The following CAST variants were observed in gnomAD, a reference collection of about 807,000 sequenced individuals.
CAST encodes the protein MIR583 host.
A neutral mutation model predicts 119.6 loss-of-function variants in CAST; 76 were observed. That is an observed-to-expected ratio of 0.64 (90% CI 0.53 to 0.77). The LOEUF (loss-of-function observed/expected upper bound fraction) is 0.77, where lower values mean the gene tolerates loss of function less well. Ranked by LOEUF, CAST falls within the 30% of genes least tolerant of loss-of-function variation. The pLI is 0.00. For missense variants in CAST, 953 were observed against 946.5 expected (o/e 1.01, Z -0.09); for synonymous variants, 319 against 331.6 (o/e 0.96, Z 0.41).
At chr5:96,444,336 T>C in the CAST span, among the ~76,000 whole-genome samples, 1 of 152,244 alleles carries the variant, frequency 6.6e-6, no homozygotes, top group Non-Finnish European at 1.5e-5. Context: ...GTTTGAGAAC[T>C]TGCTACCTGC....
At chr5:96,721,090 A>G (rs1240522984) in intron 3 of CAST, among the ~76,000 whole-genome samples, 1 of 152,178 alleles carries the variant, frequency 6.6e-6, no homozygotes, top group Non-Finnish European at 1.5e-5. Context: ...TTAATTTGAT[A>G]GAGGGAAAAT....
At chr5:96,488,749 C>T in the CAST span, among the ~76,000 whole-genome samples, 1 of 152,184 alleles carries the variant, frequency 6.6e-6, no homozygotes, top group African/African-American at 2.4e-5. Flanking sequence ...GTAACAGAAT[C>T]TTCTACAACC....
the CAST span, among the ~76,000 whole-genome samples, chr5:96,035,075 A>ATATATATTTAAG: frequency 1.4e-4 from 20 of 143,136 alleles, no homozygotes; most frequent in African/African-American, 4.9e-4. Context: ...TTAAGTATAT[A>ATATATATTTAAG]TATATATATA....
chr5:96,570,884 C>T (rs192614510), intron 1 of CAST, among the ~76,000 whole-genome samples: 73 of 152,292 alleles, frequency 4.8e-4, no homozygotes, highest in African/African-American at 1.7e-3. Flanking sequence ...AATGCTGTCA[C>T]AGACCAAGCA....
the CAST span, among the ~76,000 whole-genome samples, chr5:96,076,731 A>G: frequency 2.0e-5 from 3 of 152,154 alleles, no homozygotes; most frequent in Non-Finnish European, 2.9e-5. Flanking sequence ...AGTAATAACC[A>G]TCAAGCTCAA....
the CAST span, among the ~76,000 whole-genome samples, chr5:95,968,298 A>G: frequency 6.6e-6 from 1 of 152,206 alleles, no homozygotes; most frequent in East Asian, 1.9e-4. Flanking sequence ...TATAGCTAGC[A>G]TATTGACTTT....
At chr5:96,322,490 TC>T in the CAST span, among the ~76,000 whole-genome samples, 9 of 152,184 alleles carry the variant, frequency 5.9e-5, no homozygotes, top group South Asian at 1.7e-3. Flanking sequence ...ACTCTTGTTT[TC>T]CCCTTTGAAA....
chr5:96,410,636 T>A, the CAST span: 1 of 751,154 alleles, frequency 1.3e-6, no homozygotes, highest in African/African-American at 1.7e-5. Flanking sequence ...GCCTTTCAAG[T>A]GAGTAAGTGT....
chr5:96,184,365 A>T, the CAST span, among the ~76,000 whole-genome samples: 1 of 152,114 alleles, frequency 6.6e-6, no homozygotes, highest in Non-Finnish European at 1.5e-5. Flanking sequence ...TTCAACTTTG[A>T]TTTTAAGTTC....
the CAST span, among the ~76,000 whole-genome samples, chr5:96,217,885 T>C: frequency 9.7e-4 from 148 of 152,322 alleles, no homozygotes; most frequent in Non-Finnish European, 1.4e-3. Context: ...TAGACATTGG[T>C]TACGAGGGTC....
At chr5:96,583,556 AC>A (rs1746802264) in intron 1 of CAST, among the ~76,000 whole-genome samples, 1 of 152,164 alleles carries the variant, frequency 6.6e-6, no homozygotes, top group Non-Finnish European at 1.5e-5. Flanking sequence ...TAATATTGAC[AC>A]TATCAGGCTC....
chr5:96,729,635 A>G lies in CAST; in HGVS notation c.459A>G (p.Ala153=), dbSNP rs1760038469. ...HTEPKSLPKQ[A]SDTGSNDAHN... is the part of the protein sequence containing the mutation. Reference sequence around the variant, plus strand: ...AGCCAAAAAGCCTACCCAAGCAGGCATCAGATACAGGAAGTAACGATGCTC... The same window carrying G: ...AGCCAAAAAGCCTACCCAAGCAGGCGTCAGATACAGGAAGTAACGATGCTC... Residue 153 remains alanine, a synonymous_variant, in exon 8 of 32, where the codon GCA becomes GCG. Coordinates refer to ENST00000675179, the MANE Select transcript of CAST (RefSeq NM_001750.7). 2 of 1,584,124 alleles carry G rather than the reference A, an allele frequency of 1.3e-6. No homozygotes were observed. Among genetic ancestry groups the G allele is most frequent in the Non-Finnish European group, 8.7e-7 (1 of 1,152,940 alleles).
chr5:96,049,889 CAAAAAAAAAAAAAAA>C, the CAST span, among the ~76,000 whole-genome samples: 28 of 34,188 alleles, frequency 8.2e-4, no homozygotes, highest in African/African-American at 2.2e-3. Flanking sequence ...GAACAGGAGG[CAAAAAAAAAAAAAAA>C]AAAAAAAAAA....
chr5:96,598,448 C>G (rs1192920914), intron 1 of CAST, among the ~76,000 whole-genome samples: 2 of 152,096 alleles, frequency 1.3e-5, no homozygotes, highest in African/African-American at 4.8e-5. Context: ...CTCAGCTGCC[C>G]TGTCTCTAGG....
the CAST span, among the ~76,000 whole-genome samples, chr5:96,021,482 G>C: frequency 6.6e-6 from 1 of 151,824 alleles, no homozygotes; most frequent in Non-Finnish European, 1.5e-5. Flanking sequence ...GTCTCGCTCT[G>C]TTGCCCAGGC....
At chr5:96,189,561 A>C in the CAST span, among the ~76,000 whole-genome samples, 1 of 152,042 alleles carries the variant, frequency 6.6e-6, no homozygotes, top group Non-Finnish European at 1.5e-5. Flanking sequence ...CTTTTTGCAA[A>C]AAAGTAATTT....
At chr5:96,270,793 C>T in the CAST span, among the ~76,000 whole-genome samples, 2 of 151,900 alleles carry the variant, frequency 1.3e-5, no homozygotes, top group Non-Finnish European at 2.9e-5. Context: ...ATGATCTGTG[C>T]AGCAAACCAC....
intron 24 of CAST, among the ~76,000 whole-genome samples, chr5:96,759,899 C>T (rs997699017): frequency 1.3e-5 from 2 of 151,722 alleles, no homozygotes; most frequent in Admixed American, 6.6e-5. Flanking sequence ...ATAATCAGTA[C>T]AGAGCACAAA....
At chr5:95,980,081 G>A in the CAST span, among the ~76,000 whole-genome samples, 57 of 152,070 alleles carry the variant, frequency 3.7e-4, no homozygotes, top group African/African-American at 1.3e-3. Flanking sequence ...TCACACCATC[G>A]CACTCTAACC....
Sources: gnomAD v4.1 joint callset for allele counts (sites outside exome capture counted in the v4.1 genomes callset) on GRCh38, gnomAD v4.1.1 for gene constraint, MANE v1.5 for transcripts, NCBI Gene and HGNC (gene_info 2026-07-23, HGNC 2026-07-21) for gene names.